The following HNRNPUL1 variants were observed in gnomAD, a reference collection of about 807,000 sequenced individuals.
HNRNPUL1 encodes the protein heterogeneous nuclear ribonucleoprotein U like 1, also known as heterogeneous nuclear ribonucleoprotein U-like protein 1.
HNRNPUL1 carries 14 observed loss-of-function variants against 108.5 expected under a neutral mutation model. The ratio of observed to expected loss-of-function variants is 0.13; its 90% CI spans 0.09 to 0.20. The LOEUF is 0.20. HNRNPUL1 is among the 10% of genes least tolerant of loss of function. The pLI is 1.00. For synonymous variants in HNRNPUL1, 422 were observed against 445.2 expected, an observed-to-expected ratio of 0.95 and a Z score of 0.66; for missense variants, 804 against 1,168.3, an observed-to-expected ratio of 0.69 and a Z score of 4.55.
chr19:41,291,981 AAAAAAAAAAAAAC>A lies in HNRNPUL1; in HGVS notation c.1000-250_1000-238del, dbSNP rs1445199995. ...GGGGACAGGGTGAGACCCTGTCTCA[AAAAAAAAAAAAAC>A]AAAAAAAAAAAACTCTTGCTTACTT... On this transcript the variant is annotated intron_variant, in intron 7 of 14. Coordinates refer to ENST00000392006, the MANE Select transcript of HNRNPUL1 (RefSeq NM_007040.6). 1,685 of 309,110 alleles carry A rather than the reference AAAAAAAAAAAAAC, an allele frequency of 5.5e-3. 6 individuals carry two copies. Among genetic ancestry groups the A allele is most frequent in the Middle Eastern group, 9.8e-3 (10 of 1,016 alleles). 19.1% of individuals were successfully genotyped at this position (309,110 alleles called of 1,614,324 possible). A position where few individuals can be genotyped will look rare whatever the true frequency, so the allele number is the denominator to read the frequency against.
intron 1 of HNRNPUL1, among the ~76,000 whole-genome samples, chr19:41,266,564 A>G (rs142618994): frequency 1.3e-5 from 2 of 152,254 alleles, no homozygotes; most frequent in East Asian, 1.9e-4. Context: ...TGCTGGGATT[A>G]CAGGCGTGAA....
At chr19:41,287,511 A>G (rs1273193507) in intron 7 of HNRNPUL1, among the ~76,000 whole-genome samples, 1 of 151,936 alleles carries the variant, frequency 6.6e-6, no homozygotes, top group Non-Finnish European at 1.5e-5. Context: ...AGTTTCCTTT[A>G]GCCTGAAACA....
chr19:41,301,713 T>C lies in HNRNPUL1; in HGVS notation c.1687+9T>C, dbSNP rs765076605. 3 of 1,608,428 alleles carry C rather than the reference T, an allele frequency of 1.9e-6. No homozygotes were observed. The highest frequency in any genetic ancestry group is 2.5e-6 in the Non-Finnish European group (3 of 1,177,216). On this transcript the variant is annotated intron_variant, in intron 11 of 14. Transcript: ENST00000392006. ...GGTCTTAGAAATGAAAGGTAGGAAA[T>C]GAGTGCTTCCCAGAGGAACGTCAAT...
At chr19:41,269,720 T>G (rs1006825775) in intron 2 of HNRNPUL1, among the ~76,000 whole-genome samples, 1 of 152,180 alleles carries the variant, frequency 6.6e-6, no homozygotes, top group Non-Finnish European at 1.5e-5. Flanking sequence ...GGAGGATCAC[T>G]TGAGCCCAGG....
intron 10 of HNRNPUL1, among the ~76,000 whole-genome samples, chr19:41,296,936 G>T (rs1367514794): frequency 1.3e-5 from 2 of 152,220 alleles, no homozygotes; most frequent in Non-Finnish European, 2.9e-5. Context: ...TCCTTGAGAG[G>T]GAAGGAGAGG....
At position 41,272,205 on chromosome 19, in the gene HNRNPUL1, G is replaced by T; in HGVS notation, c.542G>T (p.Arg181Leu). The change falls in exon 3 of 15, where the codon CGG (arginine) becomes CTG (leucine). Residue 181 changes from arginine (R) to leucine (L), a missense_variant. Physicochemically the swap from Arg to Leu is moderately radical, Grantham distance 102 (BLOSUM62 -2). Around this residue, in one of 4 missense-constraint regions of HNRNPUL1, gnomAD observed 256 missense variants for 261.6 expected, o/e 0.98. Coordinates refer to ENST00000392006, the MANE Select transcript of HNRNPUL1 (RefSeq NM_007040.6). The stretch of plus-strand genomic sequence containing the variant: ...AGGCCTTATGAAGAAAACCGGGGAC[G>T]GGGGTACTTTGAGCACCGAGAGGAT... ...RKRPYEENRG[R>L]GYFEHREDRR... is the part of the protein sequence containing the mutation. The T allele has an allele frequency of 1.2e-6, 2 of 1,613,928 alleles. No homozygotes were observed. Among genetic ancestry groups the T allele is most frequent in the Non-Finnish European group, 1.7e-6 (2 of 1,179,960 alleles).
At chr19:41,293,686 G>A (rs536179060) in intron 8 of HNRNPUL1, among the ~76,000 whole-genome samples, 4 of 152,288 alleles carry the variant, frequency 2.6e-5, no homozygotes, top group South Asian at 2.1e-4. Flanking sequence ...TGCAGGGGGC[G>A]GGGAATGGGT....
Position 41,304,215 on chromosome 19 carries a change from G to A in HNRNPUL1, c.2216G>A (p.Ser739Asn). The change falls in exon 13 of 15, where the codon AGC (serine) becomes AAC (asparagine). Residue 739 changes from serine (S) to asparagine (N), a missense_variant. Ser to Asn is a conservative substitution (Grantham distance 46). Transcript: ENST00000392006. ...YNKNSNIPGS[S>N]ANTSTPTVSS... is the part of the protein sequence containing the mutation. ...AAGAACAGCAACATCCCTGGCTCAA[G>A]CGCCAATACCAGCACCCCCACCGTC... The A allele has an allele frequency of 1.9e-6, 3 of 1,613,620 alleles. No homozygotes were observed. Among genetic ancestry groups the A allele is most frequent in the Non-Finnish European group, 2.5e-6 (3 of 1,179,710 alleles).
At chr19:41,284,903 G>A (rs1568443338) in intron 7 of HNRNPUL1, among the ~76,000 whole-genome samples, 1 of 151,872 alleles carries the variant, frequency 6.6e-6, no homozygotes, top group Non-Finnish European at 1.5e-5. Context: ...GGCTGAGGCA[G>A]GAGAATGGCG....
In HNRNPUL1 at chr19:41,294,821, T is replaced by G; in HGVS notation, c.1518+135T>G. The G allele has an allele frequency of 1.0e-6, 1 of 982,350 alleles. No homozygotes were observed. Among genetic ancestry groups the G allele is most frequent in the Non-Finnish European group, 1.5e-6 (1 of 655,576 alleles). The allele number at this position is 982,350 out of a possible 1,614,324, so 60.9% of individuals were successfully genotyped here. A position where few individuals can be genotyped will look rare whatever the true frequency, so the allele number is the denominator to read the frequency against. ...CTGTGCTAGTCGGGGGGGTCAGACC[T>G]TGTCATACATGATGACATGGTACTA... On this transcript the variant is annotated intron_variant, in intron 10 of 14. Coordinates refer to ENST00000392006, the MANE Select transcript of HNRNPUL1 (RefSeq NM_007040.6). The surrounding 1 kb of genome is among the most constrained non-coding windows in gnomAD (Gnocchi z 4.3).
chr19:41,305,092 C>A lies in HNRNPUL1; in HGVS notation c.2263-584C>A, dbSNP rs539365821. 8.5e-5 allele frequency among the ~76,000 whole-genome samples: 13 copies of A among 152,300 alleles called. No homozygotes were observed. The South Asian group carries it at 2.7e-3, about 32-fold the overall frequency. ...ACTATAGCTCTGGGACTAGGCAGAC[C>A]TGGGGTCAAGTCCTTTTTCCTTGGC... On this transcript the variant is annotated intron_variant, in intron 13 of 14. Coordinates refer to ENST00000392006, the MANE Select transcript of HNRNPUL1 (RefSeq NM_007040.6).
rs140222084 is a variant in HNRNPUL1, at chr19:41,294,281, G to A, written c.1267-57G>A. 4 of 1,598,950 alleles carry A rather than the reference G, an allele frequency of 2.5e-6. No individual in the cohort carries two copies. Among genetic ancestry groups the A allele is most frequent in the African/African-American group, 1.3e-5 (1 of 74,816 alleles). ...CAGAGTCACACTCACAGTCACCACC[G>A]AGCCAAGTGGTGCCATACCACCATG... On this transcript the variant is annotated intron_variant, in intron 8 of 14. Coordinates refer to ENST00000392006, the MANE Select transcript of HNRNPUL1 (RefSeq NM_007040.6). The surrounding 1 kb of genome is among the most constrained non-coding windows in gnomAD (Gnocchi z 4.3).
rs1599754542 is a variant in HNRNPUL1 at position 41,264,990 on chromosome 19, A to G, written c.295+192A>G. ...GAGGGTGGATCCTGACACTCAGTGC[A>G]GGGGGGACACTGGGGGAGGGGCCTC... On this transcript the variant is annotated intron_variant, in intron 1 of 14. Coordinates refer to ENST00000392006, the MANE Select transcript of HNRNPUL1 (RefSeq NM_007040.6). 1.9e-5 allele frequency: 23 copies of G among 1,191,188 alleles called. No homozygotes were observed. The South Asian group carries it at 3.4e-4, about 18-fold the overall frequency. 73.8% of individuals were successfully genotyped at this position (1,191,188 alleles called of 1,614,324 possible). A position where few individuals can be genotyped will look rare whatever the true frequency, so the allele number is the denominator to read the frequency against.
At chr19:41,264,022 T>G (rs2034646239), upstream of HNRNPUL1, among the ~76,000 whole-genome samples, 1 of 152,226 alleles carries the variant, frequency 6.6e-6, no homozygotes, top group African/African-American at 2.4e-5. Flanking sequence ...ATGAAAGGAC[T>G]GCGCAGGAAA....
At chr19:41,293,219 T>C (rs1002146900) in intron 8 of HNRNPUL1, among the ~76,000 whole-genome samples, 5 of 152,206 alleles carry the variant, frequency 3.3e-5, no homozygotes, top group African/African-American at 1.2e-4. Context: ...AGTAAAAAAT[T>C]TAAATTTTCA....
intron 2 of HNRNPUL1, 121 bp from the exon 3 acceptor site, chr19:41,271,961 C>A: frequency 8.9e-7 from 1 of 1,128,636 alleles, no homozygotes; most frequent in Non-Finnish European, 1.3e-6. Flanking sequence ...GCTGCCTGTG[C>A]CCAGCCCTTC....
intron 5 of HNRNPUL1, among the ~76,000 whole-genome samples, chr19:41,277,109 C>A (rs200467657): frequency 0.076 from 8,471 of 111,132 alleles, 767 homozygotes; most frequent in African/African-American, 0.21. Flanking sequence ...AAAAAAAAAA[C>A]AAAAAAACAA....
chr19:41,288,914 C>T (rs984517664), intron 7 of HNRNPUL1, among the ~76,000 whole-genome samples: 6 of 152,094 alleles, frequency 3.9e-5, no homozygotes, highest in Non-Finnish European at 5.9e-5. Flanking sequence ...GCACATTTTC[C>T]GTGCTGGCAT....
At position 41,292,671 on chromosome 19, in the gene HNRNPUL1, G is replaced by C. The variant is rs1427582190; in HGVS notation, c.1266+160G>C. 6.6e-6 allele frequency among the ~76,000 whole-genome samples: 1 copy of C among 152,208 alleles called. No individual in the cohort carries two copies. The highest frequency in any genetic ancestry group is 2.4e-5 in the African/African-American group (1 of 41,452). The stretch of plus-strand genomic sequence containing the variant: ...GGACTCAGAGCTGAAAAGCTGCTCT[G>C]AGTGTGAGGTGAGGGGTGTTGGTGT... On this transcript the variant is annotated intron_variant, in intron 8 of 14. Transcript: ENST00000392006. This position sits in a 1 kb window ranked among gnomAD's most constrained non-coding sequence, Gnocchi z 4.1.
Sources: gnomAD v4.1 joint callset for allele counts (sites outside exome capture counted in the v4.1 genomes callset) on GRCh38, gnomAD v4.1.1 for gene constraint, gnomAD v4.1.1 regional missense constraint, Gnocchi (gnomAD v3.1) non-coding constraint, MANE v1.5 for transcripts, NCBI Gene and HGNC (gene_info 2026-07-23, HGNC 2026-07-21) for gene names.